Variants in PGCKA1 observed in about 807,000 individuals in gnomAD.
The protein encoded by PGCKA1 is PDCD10 and GCKIII kinases-associated protein 1.
the PGCKA1 span, among the ~76,000 whole-genome samples, chr4:37,555,079 G>A: frequency 6.6e-6 from 1 of 152,156 alleles, no homozygotes; most frequent in Admixed American, 6.5e-5. Flanking sequence ...CCCTCTCAGA[G>A]GGTCCAACCC....
At chr4:37,519,456 G>A in the PGCKA1 span, among the ~76,000 whole-genome samples, 1 of 151,940 alleles carries the variant, frequency 6.6e-6, no homozygotes, top group East Asian at 1.9e-4. Context: ...ATGTTTTATA[G>A]TTTTCATTTG....
the PGCKA1 span, among the ~76,000 whole-genome samples, chr4:37,525,484 A>G: frequency 0.5 from 76,235 of 151,576 alleles, 19,972 homozygotes; most frequent in African/African-American, 0.64. Flanking sequence ...TAAATTCTCC[A>G]CACACATACT....
At chr4:37,559,575 C>T in the PGCKA1 span, among the ~76,000 whole-genome samples, 5,546 of 151,584 alleles carry the variant, frequency 0.037, 261 homozygotes, top group East Asian at 0.14. Flanking sequence ...GCACATGTAC[C>T]CTAAAACTTA....
chr4:37,532,169 C>T, the PGCKA1 span, among the ~76,000 whole-genome samples: 1 of 151,970 alleles, frequency 6.6e-6, no homozygotes, highest in African/African-American at 2.4e-5. Flanking sequence ...TGTTGCTTGT[C>T]TACAATTAAG....
chr4:37,536,197 G>A, the PGCKA1 span, among the ~76,000 whole-genome samples: 4 of 152,146 alleles, frequency 2.6e-5, no homozygotes, highest in South Asian at 2.1e-4. Context: ...GGTTCTATTT[G>A]GGATAGGGGC....
chr4:37,490,909 A>G, the PGCKA1 span, among the ~76,000 whole-genome samples: 1 of 152,206 alleles, frequency 6.6e-6, no homozygotes, highest in African/African-American at 2.4e-5. Flanking sequence ...AATTAGTACA[A>G]TTCTATTTAT....
At chr4:37,470,760 T>C in the PGCKA1 span, among the ~76,000 whole-genome samples, 2 of 152,234 alleles carry the variant, frequency 1.3e-5, no homozygotes, top group Non-Finnish European at 2.9e-5. Flanking sequence ...TTCAAAGTTT[T>C]GGTGAACCCT....
chr4:37,565,597 G>C, the PGCKA1 span, among the ~76,000 whole-genome samples: 1 of 152,222 alleles, frequency 6.6e-6, no homozygotes, highest in African/African-American at 2.4e-5. Context: ...TGCAGTGATT[G>C]TGTGAAGAGG....
At chr4:37,488,102 A>G in the PGCKA1 span, among the ~76,000 whole-genome samples, 3 of 152,216 alleles carry the variant, frequency 2.0e-5, no homozygotes, top group Non-Finnish European at 4.4e-5. Context: ...CTTCACATCC[A>G]GGCCCTGTTG....
At chr4:37,585,556 AGGAAGGAGAGGGGAGAGGAGAGG>A in the PGCKA1 span, among the ~76,000 whole-genome samples, 1 of 2,676 alleles carries the variant, frequency 3.7e-4, no homozygotes, top group African/African-American at 6.5e-4. Flanking sequence ...AGAGGTGTTG[AGGAAGGAGAGGGGAGAGGAGAGG>A]TGTTGAGGGA....
At chr4:37,569,576 G>A in the PGCKA1 span, among the ~76,000 whole-genome samples, 121 of 152,288 alleles carry the variant, frequency 7.9e-4, 1 homozygote, top group African/African-American at 2.8e-3. Flanking sequence ...AGCTTAATTA[G>A]TTTGAGGAGT....
At chr4:37,567,403 T>C in the PGCKA1 span, among the ~76,000 whole-genome samples, 1 of 152,192 alleles carries the variant, frequency 6.6e-6, no homozygotes, top group Non-Finnish European at 1.5e-5. Flanking sequence ...TGCATACTTA[T>C]CTTAGTGTTC....
chr4:37,571,270 A>G, the PGCKA1 span, among the ~76,000 whole-genome samples: 4 of 151,708 alleles, frequency 2.6e-5, no homozygotes, highest in South Asian at 2.1e-4. Context: ...CAGTATATAC[A>G]CAGGATGATG....
At chr4:37,480,363 C>T in the PGCKA1 span, among the ~76,000 whole-genome samples, 1 of 152,172 alleles carries the variant, frequency 6.6e-6, no homozygotes, top group Non-Finnish European at 1.5e-5. Context: ...TATGCTGGCA[C>T]GTGCCTGTGA....
the PGCKA1 span, among the ~76,000 whole-genome samples, chr4:37,462,015 A>G: frequency 6.6e-6 from 1 of 152,006 alleles, no homozygotes; most frequent in South Asian, 2.1e-4. Flanking sequence ...ATTCTTTGCT[A>G]CTGTAAAAGA....
the PGCKA1 span, among the ~76,000 whole-genome samples, chr4:37,586,520 A>C: frequency 6.6e-6 from 1 of 152,212 alleles, no homozygotes; most frequent in Admixed American, 6.5e-5. Context: ...AAGAGTTGGA[A>C]GGACAAGGGG....
At chr4:37,572,312 C>T in the PGCKA1 span, among the ~76,000 whole-genome samples, 1,178 of 152,020 alleles carry the variant, frequency 7.7e-3, 18 homozygotes, top group African/African-American at 0.027. Flanking sequence ...GTGATCCGCC[C>T]GCCTCGGCCT....
chr4:37,458,941 TTACAGGTGAAGAAACTGAGAACCAGACA>T, the PGCKA1 span, among the ~76,000 whole-genome samples: 14 of 152,184 alleles, frequency 9.2e-5, no homozygotes, highest in Non-Finnish European at 2.1e-4. Flanking sequence ...AATTCCTATT[TTACAGGTGAAGAAACTGAGAACCAGACA>T]TGTTAGTCTG....
chr4:37,567,021 G>C, the PGCKA1 span, among the ~76,000 whole-genome samples: 2 of 151,966 alleles, frequency 1.3e-5, no homozygotes, highest in Admixed American at 1.3e-4. Flanking sequence ...TCTTGCAAAA[G>C]CTATTGGAGC....
Sources: gnomAD v4.1 joint callset for allele counts (sites outside exome capture counted in the v4.1 genomes callset) on GRCh38, gnomAD v4.1.1 for gene constraint, MANE v1.5 for transcripts, NCBI Gene and HGNC (gene_info 2026-07-23, HGNC 2026-07-21) for gene names.